The following TSC2 variants were observed in gnomAD, a reference collection of about 807,000 sequenced individuals.
TSC2 encodes TSC complex subunit 2.
Under a neutral mutation model 202.2 loss-of-function variants are expected in TSC2, and 29 were observed. The ratio of observed to expected loss-of-function variants is 0.14; its 90% confidence interval spans 0.11 to 0.20. The LOEUF is 0.20. Among genes scored for constraint, TSC2 ranks in the 10% least tolerant of loss-of-function variants. TSC2 has a pLI of 1.00. For synonymous variants in TSC2, 1,349 were observed against 1,044.0 expected (o/e 1.29, Z -5.63); for missense variants, 2,429 against 2,420.0 (o/e 1.00, Z -0.08).
In TSC2 at chr16:2,076,065, C is replaced by T. The variant is rs2089308821; in HGVS notation, c.2640-3C>T. ...TGGAGTGCCAGCCCCCTTCTCATCT[C>T]AGGTTTAATCAGTACATCGTGTGTC... On this transcript the variant is annotated splice_polypyrimidine_tract_variant and splice_region_variant and intron_variant, in intron 23 of 41. Coordinates refer to ENST00000219476, the MANE Select transcript of TSC2 (RefSeq NM_000548.5). 2 of 1,613,848 alleles carry T rather than the reference C, an allele frequency of 1.2e-6. No individual in the cohort carries two copies. Among genetic ancestry groups the T allele is most frequent in the Non-Finnish European group, 1.7e-6 (2 of 1,180,046 alleles).
rs1567380772 is a variant in TSC2, at chr16:2,048,711, G to A, written c.96G>A (p.Glu32=). Residue 32 remains glutamate, a synonymous_variant, in exon 2 of 42, where the codon GAG becomes GAA. Transcript: ENST00000219476. ...CGAGGCCAAATCCCAGGTCTGCAGAGGGTAAACAGACGGAGTTTATCATCA... is the reference window on the plus strand; with the variant it reads ...CGAGGCCAAATCCCAGGTCTGCAGAAGGTAAACAGACGGAGTTTATCATCA... ...GTPRPNPRSA[E]GKQTEFIITA... The A allele has an allele frequency of 4.3e-6, 7 of 1,614,114 alleles. No individual in the cohort carries two copies. The highest frequency in any genetic ancestry group is 5.9e-6 in the Non-Finnish European group (7 of 1,180,038).
At chr16:2,053,606 T>C in intron 4 of TSC2, 154 bp downstream of exon 4, 1 of 773,842 alleles carries the variant, frequency 1.3e-6, no homozygotes, top group Non-Finnish European at 2.2e-6. Context: ...CTGTGGGGTC[T>C]CCTGGTGTCA....
intron 11 of TSC2, chr16:2,061,142 G>A: frequency 2.4e-6 from 1 of 414,116 alleles, no homozygotes; most frequent in Non-Finnish European, 4.6e-6. Flanking sequence ...AGGGATGCCA[G>A]TGTGGCTTCC....
At chr16:2,078,046 CT>C (rs1443184770) in intron 26 of TSC2, among the ~76,000 whole-genome samples, 1 of 152,228 alleles carries the variant, frequency 6.6e-6, no homozygotes, top group East Asian at 1.9e-4. Context: ...TGGTTTTGGC[CT>C]TTTCGTATTC....
rs543087140 is a variant in TSC2, at chr16:2,081,946, T to C, written c.3814+148T>C. 29 of 1,185,642 alleles carry C rather than the reference T, an allele frequency of 2.4e-5. No homozygotes were observed. The African/African-American group carries it at 3.9e-4, about 16-fold the overall frequency. 73.4% of individuals were successfully genotyped at this position (1,185,642 alleles called of 1,614,324 possible). A position where few individuals can be genotyped will look rare whatever the true frequency, so the allele number is the denominator to read the frequency against. ...CTCAGCACCATTGTTCTCCGGTGTTTGGGAGGAGGCTGACCCGTGGGAGGT... is the reference window on the plus strand; with the variant it reads ...CTCAGCACCATTGTTCTCCGGTGTTCGGGAGGAGGCTGACCCGTGGGAGGT... On this transcript the variant is annotated intron_variant, in intron 31 of 41. Coordinates refer to ENST00000219476, the MANE Select transcript of TSC2 (RefSeq NM_000548.5).
chr16:2,080,706 A>C (rs59669215), intron 30 of TSC2: 10,888 of 324,336 alleles, frequency 0.034, 395 homozygotes, highest in African/African-American at 0.11. Context: ...GGATGGTCTC[A>C]ATCTCCTGAC....
chr16:2,071,871 C>G lies in TSC2; in HGVS notation c.2034C>G (p.Ala678=), dbSNP rs781740263. 6.3e-7 allele frequency: 1 copy of G among 1,595,276 alleles called. No homozygotes were observed. Among genetic ancestry groups the G allele is most frequent in the African/African-American group, 1.3e-5 (1 of 74,522 alleles). The change falls in exon 19 of 42, where the codon GCC becomes GCG. Residue 678 remains alanine, a synonymous_variant. Coordinates refer to ENST00000219476, the MANE Select transcript of TSC2 (RefSeq NM_000548.5). The stretch of plus-strand genomic sequence containing the variant: ...CTGGCCCGGCGCCTGCAGGCCCCGC[C>G]GTGCGGCTGGGGTCCGTGCCCTACT... ...GPPGPAPAGP[A]VRLGSVPYSL... is the part of the protein sequence containing the mutation.
At chr16:2,060,970 C>A (rs2086569068) in intron 11 of TSC2, 157 bp downstream of exon 11, 1 of 942,828 alleles carries the variant, frequency 1.1e-6, no homozygotes, top group Non-Finnish European at 1.6e-6. Flanking sequence ...CATCCACCTT[C>A]CACCGGAGAC....
At chr16:2,051,709 T>G (rs914595648) in intron 3 of TSC2, among the ~76,000 whole-genome samples, 8 of 152,182 alleles carry the variant, frequency 5.3e-5, no homozygotes, top group Admixed American at 1.3e-4. Context: ...GAGTGATTGC[T>G]ACCTCTGCAG....
intron 2 of TSC2, among the ~76,000 whole-genome samples, chr16:2,049,332 C>T (rs1187041054): frequency 5.9e-5 from 9 of 151,902 alleles, no homozygotes; most frequent in Middle Eastern, 3.4e-3. Context: ...GTGATCTGCC[C>T]GCTTTGGCCT....
At position 2,089,427 on chromosome 16, in the gene TSC2, G is replaced by C; in HGVS notation, c.*817G>C. On this transcript the variant is annotated 3_prime_UTR_variant, in exon 42 of 42. Transcript: ENST00000219476. ...TGGGGGACATCTGCCCAGGGGGTGG[G>C]GCCGGGCACAGCCCGCTGTACCTGA... The C allele has an allele frequency of 2.1e-6, 1 of 477,892 alleles. No individual in the cohort carries two copies. The highest frequency in any genetic ancestry group is 2.6e-5 in the South Asian group (1 of 39,202). 29.6% of individuals were successfully genotyped at this position (477,892 alleles called of 1,614,324 possible). A position where few individuals can be genotyped will look rare whatever the true frequency, so the allele number is the denominator to read the frequency against.
rs781532053 is a variant in TSC2 at position 2,079,345 on chromosome 16, C to G, written c.3201C>G (p.Val1067=). The G allele has an allele frequency of 3.7e-6, 6 of 1,612,884 alleles. No individual in the cohort carries two copies. In the African/African-American group the frequency reaches 4.0e-5, roughly 11 times the overall value. Residue 1067 remains valine (V), a synonymous_variant, in exon 28 of 42, where the codon GTC becomes GTG. Transcript: ENST00000219476. The surrounding 1 kb of genome is among the most constrained non-coding windows in gnomAD (Gnocchi z 4.6). The part of the protein sequence containing the change: ...TKTWLVGNKL[V]TVTTSVGTGT... Reference sequence around the variant, plus strand: ...CCTGGCTGGTTGGGAACAAGCTTGTCACTGTGACGACAAGCGTGGGAACCG... The same window carrying G: ...CCTGGCTGGTTGGGAACAAGCTTGTGACTGTGACGACAAGCGTGGGAACCG...
chr16:2,086,497 C>T lies in TSC2; in HGVS notation c.4849+118C>T, dbSNP rs982924046. On this transcript the variant is annotated intron_variant, in intron 37 of 41. Transcript: ENST00000219476. ...TGGCACCCCCACCTGCTCCAGCTCC[C>T]CACGCCTCAGGTTCCGAGCCTAACA... 2.9e-5 allele frequency: 42 copies of T among 1,466,900 alleles called. No individual in the cohort carries two copies. The East Asian group carries it at 9.6e-4, about 34-fold the overall frequency. The allele number at this position is 1,466,900 out of a possible 1,614,324, so 90.9% of individuals were successfully genotyped here. A position where few individuals can be genotyped will look rare whatever the true frequency, so the allele number is the denominator to read the frequency against.
rs2087016490 is a variant in TSC2, at chr16:2,064,331, C to T, written c.1503C>T (p.Asp501=). The T allele has an allele frequency of 6.2e-7, 1 of 1,613,850 alleles. No homozygotes were observed. Among genetic ancestry groups the T allele is most frequent in the Non-Finnish European group, 8.5e-7 (1 of 1,180,032 alleles). The change falls in exon 15 of 42, where the codon GAC becomes GAT. Residue 501 remains aspartate (D), a synonymous_variant. Transcript: ENST00000219476. ...TCTCCCACATCCCCGAGGATAAAGA[C>T]CACCAGGTCCGAAAGCTGGCCACCC... is the stretch of plus-strand genomic sequence containing the variant. ...SQLSHIPEDK[D]HQVRKLATQL...
chr16:2,072,760 G>C, intron 20 of TSC2, 89 bp from the exon 21 acceptor site: 1 of 1,603,536 alleles, frequency 6.2e-7, no homozygotes, highest in Admixed American at 1.7e-5. Flanking sequence ...CCTTTCCTGG[G>C]CCTGCGTTCC....
At chr16:2,084,759 C>G (rs759939211) in intron 34 of TSC2, 44 bp downstream of exon 34, 1 of 1,598,362 alleles carries the variant, frequency 6.3e-7, no homozygotes, top group African/African-American at 1.3e-5. Context: ...ACCTCTCCTG[C>G]GGGAACCTGG....
At chr16:2,050,751 C>G (rs2085009464) in intron 3 of TSC2, among the ~76,000 whole-genome samples, 1 of 151,860 alleles carries the variant, frequency 6.6e-6, no homozygotes, top group Admixed American at 6.6e-5. Flanking sequence ...GCCACCACAC[C>G]CGGCTTTTTG....
At chr16:2,055,076 C>G in intron 5 of TSC2, 1 of 428,796 alleles carries the variant, frequency 2.3e-6, no homozygotes, top group Non-Finnish European at 4.4e-6. Context: ...GGGTGGGGAA[C>G]GCCCAGGAGT....
chr16:2,070,732 C>T lies in TSC2; in HGVS notation c.1839+154C>T, dbSNP rs543747369. 5.9e-5 allele frequency among the ~76,000 whole-genome samples: 9 copies of T among 152,338 alleles called. 1 individual carries two copies. In the South Asian group the frequency reaches 1.4e-3, roughly 25 times the overall value. On this transcript the variant is annotated intron_variant, in intron 17 of 41. Transcript: ENST00000219476. Reference sequence around the variant, plus strand: ...GCACCCACTGTGGCCGCAGCCTCCCCAGTCCTGGTGTCCTTCCCTCTGCCT... The same window carrying T: ...GCACCCACTGTGGCCGCAGCCTCCCTAGTCCTGGTGTCCTTCCCTCTGCCT...
Sources: gnomAD v4.1 joint callset for allele counts (sites outside exome capture counted in the v4.1 genomes callset) on GRCh38, gnomAD v4.1.1 for gene constraint, Gnocchi (gnomAD v3.1) non-coding constraint, MANE v1.5 for transcripts, NCBI Gene and HGNC (gene_info 2026-07-23, HGNC 2026-07-21) for gene names.